ARHGDIA: variants seen among roughly 807,000 people sequenced by gnomAD.
ARHGDIA encodes the protein Rho GDP dissociation inhibitor alpha.
A neutral mutation model predicts 25.0 loss-of-function variants in ARHGDIA; 9 were observed. The observed-to-expected ratio is 0.36, with a 90% CI of 0.22 to 0.63. The LOEUF is 0.63. ARHGDIA is among the 20% of genes least tolerant of loss of function. ARHGDIA has a pLI of 0.69. For missense variants in ARHGDIA, 239 were observed against 264.3 expected (o/e 0.90, Z 0.66); for synonymous variants, 166 against 111.5 (o/e 1.49, Z -3.08).
At position 81,868,331 on chromosome 17, in the gene ARHGDIA, G is replaced by A. The variant is rs905449964; in HGVS notation, c.*545C>T. The A allele has an allele frequency of 2.3e-5, 33 of 1,421,980 alleles. 1 individual carries two copies. The Middle Eastern group carries it at 1.1e-3, about 48-fold the overall frequency. 88.1% of individuals were successfully genotyped at this position (1,421,980 alleles called of 1,614,324 possible). A position where few individuals can be genotyped will look rare whatever the true frequency, so the allele number is the denominator to read the frequency against. Reference sequence around the variant, plus strand: ...ATGCTCATGCAGACACAGGGAGTTAGAGGCTAGTGAGGCCCCACGGTACAC... The same window carrying A: ...ATGCTCATGCAGACACAGGGAGTTAAAGGCTAGTGAGGCCCCACGGTACAC... On this transcript the variant is annotated 3_prime_UTR_variant, in exon 6 of 6. Transcript: ENST00000269321.
chr17:81,869,231 G>C lies in ARHGDIA; in HGVS notation c.357C>G (p.Asn119Lys). ...EYRIKISFRV[N>K]REIVSGMKYI... ...ACTTCATGCCGGACACTATCTCTCG[G>C]TTAACCTGCAGGACCCGAAGCGAGG... The change falls in exon 5 of 6, where the codon AAC becomes AAG. Residue 119 changes from asparagine (N) to lysine (K), a missense_variant. Physicochemically the swap from Asn to Lys is moderately conservative, Grantham distance 94 (BLOSUM62 0). This residue lies in a region of ARHGDIA where 75 missense variants were observed against 122.4 expected (regional missense o/e 0.61). Coordinates refer to ENST00000269321, the MANE Select transcript of ARHGDIA (RefSeq NM_004309.6). 6.2e-7 allele frequency: 1 copy of C among 1,614,056 alleles called. No homozygotes were observed. The highest frequency in any genetic ancestry group is 8.5e-7 in the Non-Finnish European group (1 of 1,179,994).
chr17:81,869,582 C>T lies in ARHGDIA; in HGVS notation c.234G>A (p.Val78=). 6.5e-7 allele frequency: 1 copy of T among 1,537,424 alleles called. No individual in the cohort carries two copies. Residue 78 remains valine (V), a synonymous_variant, in exon 3 of 6, where the codon GTG becomes GTA. Coordinates refer to ENST00000269321, the MANE Select transcript of ARHGDIA (RefSeq NM_004309.6). ...CCAGGGGGCCCGGGGCCGAGCTGCA[C>T]ACCAGGGTCAGGCCAGTCACCACGA... ...PNVVVTGLTL[V]CSSAPGPLEL...
At position 81,869,446 on chromosome 17, in the gene ARHGDIA, C is replaced by T. The variant is rs774457316; in HGVS notation, c.275-40G>A. 7 of 1,612,738 alleles carry T rather than the reference C, an allele frequency of 4.3e-6. No homozygotes were observed. In the African/African-American group the frequency reaches 8.0e-5, roughly 18 times the overall value. On this transcript the variant is annotated intron_variant, in intron 3 of 5. Coordinates refer to ENST00000269321, the MANE Select transcript of ARHGDIA (RefSeq NM_004309.6). ...TCCCCCTCAATGACTGCCCAGCAGC[C>T]CTGCGCGAAGCCCCAGCCCTGCGCG...
intron 4 of ARHGDIA, 32 bp downstream of exon 4, chr17:81,869,298 C>G (rs758120563): frequency 1.9e-6 from 3 of 1,614,066 alleles, no homozygotes; most frequent in South Asian, 1.1e-5. Context: ...AGCCCCGCCT[C>G]CATTCCCTGG....
chr17:81,869,717 CCGGCTCCCGCAGCCCA>C lies in ARHGDIA; in HGVS notation c.190+8_190+23del. On this transcript the variant is annotated splice_region_variant and intron_variant, in intron 2 of 5. Coordinates refer to ENST00000269321, the MANE Select transcript of ARHGDIA (RefSeq NM_004309.6). ...ACAGCTGGAGTGAACGGGCGGCCAC[CCGGCTCCCGCAGCCCA>C]GACTCACCTGCGGAAACGGCCACGC... 6.2e-7 allele frequency: 1 copy of C among 1,601,868 alleles called. No individual in the cohort carries two copies. The highest frequency in any genetic ancestry group is 8.5e-7 in the Non-Finnish European group (1 of 1,174,390).
chr17:81,869,032 G>C lies in ARHGDIA; in HGVS notation c.459C>G (p.Ala153=), dbSNP rs769613437. 1 of 1,613,526 alleles carries C rather than the reference G, an allele frequency of 6.2e-7. No homozygotes were observed. Among genetic ancestry groups the C allele is most frequent in the East Asian group, 2.2e-5 (1 of 44,872 alleles). ...CGGGGGTCAGGAACTCGTACTCCTC[G>C]GCCCGGGGCCCATAGCTGCCTACCA... ...DYMVGSYGPR[A]EEYEFLTPVE... The change falls in exon 6 of 6, where the codon GCC becomes GCG. Residue 153 remains alanine (A), a synonymous_variant. Transcript: ENST00000269321.
rs1181597645 is a variant in ARHGDIA at position 81,868,643 on chromosome 17, A to G, written c.*233T>C. 13 of 1,535,292 alleles carry G rather than the reference A, an allele frequency of 8.5e-6. No individual in the cohort carries two copies. Among genetic ancestry groups the G allele is most frequent in the African/African-American group, 4.1e-5 (3 of 73,140 alleles). ...CTGCGGCCTCTCTCCCCCACAGCAC[A>G]GGCAGAAGCAGCAACGAGACAGGAG... On this transcript the variant is annotated 3_prime_UTR_variant, in exon 6 of 6. Transcript: ENST00000269321.
chr17:81,870,770 C>G (rs530604127), intron 1 of ARHGDIA: 2 of 151,972 alleles, frequency 1.3e-5, no homozygotes, highest in Non-Finnish European at 2.9e-5. Flanking sequence ...CCGCGCCGCG[C>G]GAGGATAGCC....
rs2039116509 is a variant in ARHGDIA, at chr17:81,868,371, C to G, written c.*505G>C. The G allele has an allele frequency of 7.0e-7, 1 of 1,438,532 alleles. No individual in the cohort carries two copies. The highest frequency in any genetic ancestry group is 9.1e-7 in the Non-Finnish European group (1 of 1,099,704). The allele number at this position is 1,438,532 out of a possible 1,614,324, so 89.1% of individuals were successfully genotyped here. A position where few individuals can be genotyped will look rare whatever the true frequency, so the allele number is the denominator to read the frequency against. ...CCACGGTACACTCCACATGTTAAGG[C>G]ATCATGGTTAGACGGGACCGACAGC... On this transcript the variant is annotated 3_prime_UTR_variant, in exon 6 of 6. Transcript: ENST00000269321.
Position 81,869,875 on chromosome 17 carries a change from T to C in ARHGDIA, c.56A>G (p.Glu19Gly). ...EQLAQIAAEN[E>G]EDEHSVNYKP... is the part of the protein sequence containing the mutation. ...GTAGTTGACCGAGTGCTCATCCTCC[T>C]CGTTCTCCGCTGCAATCTGGGCCAG... The change falls in exon 2 of 6, where the codon GAG becomes GGG. Residue 19 changes from glutamate (E) to glycine (G), a missense_variant. Transcript: ENST00000269321. 2 of 1,614,062 alleles carry C rather than the reference T, an allele frequency of 1.2e-6. No individual in the cohort carries two copies. The highest frequency in any genetic ancestry group is 1.7e-6 in the Non-Finnish European group (2 of 1,180,010).
chr17:81,870,236 A>C (rs1199409735), intron 1 of ARHGDIA: 5 of 400,778 alleles, frequency 1.2e-5, no homozygotes, highest in Non-Finnish European at 2.3e-5. Flanking sequence ...AGCCCCCTGT[A>C]TGTGTGGGGC....
At chr17:81,870,129 G>A in intron 1 of ARHGDIA, 172 bp from the exon 2 acceptor site, 1 of 623,140 alleles carries the variant, frequency 1.6e-6, no homozygotes, top group Non-Finnish European at 2.8e-6. Flanking sequence ...AGTGTGAGGT[G>A]CCCCCACCCC....
intron 1 of ARHGDIA, chr17:81,870,487 G>C (rs903767226): frequency 6.5e-6 from 1 of 153,308 alleles, no homozygotes; most frequent in Non-Finnish European, 1.5e-5. Context: ...TACCGCACGG[G>C]GCCACCTGGA....
chr17:81,868,573 G>A lies in ARHGDIA; in HGVS notation c.*303C>T. On this transcript the variant is annotated 3_prime_UTR_variant, in exon 6 of 6. Transcript: ENST00000269321. The stretch of plus-strand genomic sequence containing the variant: ...CTGAAGCCAGGCCTCGGGTGTGACG[G>A]GGAGATAGAACCTGGGGGGCACAGA... 6.5e-7 allele frequency: 1 copy of A among 1,535,412 alleles called. No homozygotes were observed. Among genetic ancestry groups the A allele is most frequent in the East Asian group, 2.4e-5 (1 of 40,902 alleles).
At position 81,868,321 on chromosome 17, in the gene ARHGDIA, CAG is replaced by C. The variant is rs201456477; in HGVS notation, c.*553_*554del. 1,100 of 1,415,704 alleles carry C rather than the reference CAG, an allele frequency of 7.8e-4. 10 individuals are homozygous for C. In the African/African-American group the frequency reaches 0.014, roughly 17 times the overall value. The allele number at this position is 1,415,704 out of a possible 1,614,324, so 87.7% of individuals were successfully genotyped here. A position where few individuals can be genotyped will look rare whatever the true frequency, so the allele number is the denominator to read the frequency against. ...GGGAGGCCACATGCTCATGCAGACA[CAG>C]GGAGTTAGAGGCTAGTGAGGCCCCA... On this transcript the variant is annotated 3_prime_UTR_variant, in exon 6 of 6. Coordinates refer to ENST00000269321, the MANE Select transcript of ARHGDIA (RefSeq NM_004309.6).
chr17:81,870,079 TC>T, intron 1 of ARHGDIA, 122 bp from the exon 2 acceptor site: 1 of 942,162 alleles, frequency 1.1e-6, no homozygotes, highest in Non-Finnish European at 1.6e-6. Flanking sequence ...TTCGCTCCTC[TC>T]CACCCCCGCG....
At chr17:81,870,748 G>C (rs1404763563) in intron 1 of ARHGDIA, 1 of 152,222 alleles carries the variant, frequency 6.6e-6, no homozygotes, top group South Asian at 2.1e-4. Flanking sequence ...CTTCCTCCAG[G>C]GGCTGGGGCC....
intron 2 of ARHGDIA, 34 bp downstream of exon 2, chr17:81,869,707 G>A (rs770161797): frequency 7.5e-6 from 12 of 1,592,678 alleles, no homozygotes; most frequent in East Asian, 6.8e-5. Flanking sequence ...TGGAGTGAAC[G>A]GGCGGCCACC....
At position 81,869,594 on chromosome 17, in the gene ARHGDIA, G is replaced by A. The variant is rs761344643; in HGVS notation, c.222C>T (p.Gly74=). 1 of 1,528,636 alleles carries A rather than the reference G, an allele frequency of 6.5e-7. No homozygotes were observed. The highest frequency in any genetic ancestry group is 1.3e-5 in the South Asian group (1 of 78,084). The allele number at this position is 1,528,636 out of a possible 1,614,324, so 94.7% of individuals were successfully genotyped here. A position where few individuals can be genotyped will look rare whatever the true frequency, so the allele number is the denominator to read the frequency against. The change falls in exon 3 of 6, where the codon GGC becomes GGT. Residue 74 remains glycine (G), a synonymous_variant. Transcript: ENST00000269321. ...GGGCCGAGCTGCACACCAGGGTCAG[G>A]CCAGTCACCACGACGTTGGGGACGT... ...DPNVPNVVVT[G]LTLVCSSAPG... is the part of the protein sequence containing the mutation.
Sources: allele counts gnomAD v4.1 joint callset, GRCh38; gene constraint gnomAD v4.1.1; regional missense constraint gnomAD v4.1.1; transcripts MANE v1.5; gene names NCBI Gene and HGNC (gene_info 2026-07-23, HGNC 2026-07-21).